The following IL1RAPL2 variants were observed in gnomAD, a reference collection of about 807,000 sequenced individuals.
IL1RAPL2 encodes the protein X-linked interleukin-1 receptor accessory protein-like 2.
In IL1RAPL2, 3 loss-of-function variants were observed where a neutral mutation model predicts 44.1. The ratio of observed to expected loss-of-function variants is 0.07; its 90% CI spans 0.03 to 0.18. IL1RAPL2 has a LOEUF of 0.18. Among genes scored for constraint, IL1RAPL2 ranks in the 10% least tolerant of loss-of-function variants. IL1RAPL2 has a pLI of 1.00. For missense variants in IL1RAPL2, 391 were observed against 496.4 expected (o/e 0.79, Z 2.02); for synonymous variants, 181 against 178.8 (o/e 1.01, Z -0.10).
chrX:104,636,285 G>A (rs776795679), intron 1 of IL1RAPL2, among the ~76,000 whole-genome samples: 1 of 112,160 alleles, frequency 8.9e-6, no homozygotes. Flanking sequence ...GGCTACTCAG[G>A]GGTCAGGGAC....
chrX:104,933,240 C>T (rs192522962), intron 2 of IL1RAPL2, among the ~76,000 whole-genome samples: 1 of 110,537 alleles, frequency 9.0e-6, no homozygotes, highest in East Asian at 2.9e-4. Flanking sequence ...GCATGTTGTG[C>T]GCATGTACCC....
intron 1 of IL1RAPL2, among the ~76,000 whole-genome samples, chrX:104,587,653 C>A (rs1248940500): frequency 8.9e-6 from 1 of 112,304 alleles, no homozygotes; most frequent in Non-Finnish European, 1.9e-5. Context: ...GCTGCCAACT[C>A]ACTTTCAGTG....
chrX:105,447,116 TATAAATATAAATATATATATGA>T (rs2035964545), intron 5 of IL1RAPL2, among the ~76,000 whole-genome samples: 1 of 63,301 alleles, frequency 1.6e-5, no homozygotes, highest in African/African-American at 6.1e-5. Context: ...TAAAAATATA[TATAAATATAAATATATATATGA>T]ATATAAATAT....
At chrX:104,858,869 T>G (rs1922430815) in intron 2 of IL1RAPL2, among the ~76,000 whole-genome samples, 2 of 111,921 alleles carry the variant, frequency 1.8e-5, no homozygotes, top group Admixed American at 1.9e-4. Flanking sequence ...TCATTTAGCC[T>G]TTGAATAAGA....
chrX:105,429,129 A>G (rs1283009408), intron 5 of IL1RAPL2, among the ~76,000 whole-genome samples: 2 of 111,960 alleles, frequency 1.8e-5, no homozygotes, highest in African/African-American at 3.2e-5. Flanking sequence ...GAAATCGTTC[A>G]CCACTTAGCA....
At chrX:105,433,069 C>T (rs2035858811) in intron 5 of IL1RAPL2, among the ~76,000 whole-genome samples, 1 of 111,019 alleles carries the variant, frequency 9.0e-6, no homozygotes, top group Non-Finnish European at 1.9e-5. Flanking sequence ...AGAAGATACA[C>T]TTTTATTATC....
intron 6 of IL1RAPL2, among the ~76,000 whole-genome samples, chrX:105,611,528 A>C (rs994337575): frequency 1.8e-5 from 2 of 111,790 alleles, no homozygotes; most frequent in South Asian, 7.4e-4. Context: ...ATATATACAA[A>C]TATTTGCAAT....
chrX:105,220,215 A>G lies in IL1RAPL2; in HGVS notation c.357-13603A>G, dbSNP rs782783205. On this transcript the variant is annotated intron_variant, in intron 3 of 10. Transcript: ENST00000372582. Reference sequence around the variant, plus strand: ...CCCAGGTGCAGGCCTCTTTGACCTCACTGGGCACCTCGCTGTCCTCCAGTA... The same window carrying G: ...CCCAGGTGCAGGCCTCTTTGACCTCGCTGGGCACCTCGCTGTCCTCCAGTA... 39 of 1,209,962 alleles carry G rather than the reference A, an allele frequency of 3.2e-5. No homozygotes were observed. In the South Asian group the frequency reaches 4.6e-4, roughly 14 times the overall value.
intron 2 of IL1RAPL2, among the ~76,000 whole-genome samples, chrX:105,089,960 C>A (rs2147553951): frequency 9.0e-6 from 1 of 111,500 alleles, no homozygotes; most frequent in East Asian, 2.8e-4. Context: ...CCCTCCTAAA[C>A]CATTTGTAGT....
intron 2 of IL1RAPL2, among the ~76,000 whole-genome samples, chrX:104,735,926 T>C (rs1359267359): frequency 9.0e-6 from 1 of 111,487 alleles, no homozygotes; most frequent in Non-Finnish European, 1.9e-5. Flanking sequence ...GCCTGGCATC[T>C]AAAACCCTCC....
In IL1RAPL2 at chrX:105,205,587, TAAAAAAAAAAAAAAAAAA is replaced by T. The variant is rs375473348; in HGVS notation, c.356+9860_356+9877del. ...CCTCGGCGACAGAGCAAGACTCTGT[TAAAAAAAAAAAAAAAAAA>T]AAAAAAAAAAAAAAAAAAAAGTGCT... On this transcript the variant is annotated intron_variant, in intron 3 of 10. Coordinates refer to ENST00000372582, the MANE Select transcript of IL1RAPL2 (RefSeq NM_017416.2). Among the ~76,000 whole-genome samples the T allele has an allele frequency of 0.023, 190 of 8,218 alleles. 8 individuals carry two copies. In the East Asian group the frequency reaches 0.35, roughly 15 times the overall value. 7.1% of individuals were successfully genotyped at this position (8,218 alleles called of 115,157 possible).
At chrX:105,262,121 A>G (rs1056571993) in intron 4 of IL1RAPL2, among the ~76,000 whole-genome samples, 6 of 111,984 alleles carry the variant, frequency 5.4e-5, no homozygotes, top group African/African-American at 1.9e-4. Context: ...GTGATTCTCT[A>G]TATTCTCCTG....
intron 6 of IL1RAPL2, among the ~76,000 whole-genome samples, chrX:105,671,971 G>A (rs1350907724): frequency 2.7e-5 from 3 of 110,694 alleles, no homozygotes; most frequent in Non-Finnish European, 5.7e-5. Context: ...TTCAATTATT[G>A]TACTTTTTAA....
At chrX:105,470,435 G>A (rs1054710316) in intron 5 of IL1RAPL2, among the ~76,000 whole-genome samples, 1 of 111,777 alleles carries the variant, frequency 8.9e-6, no homozygotes. Flanking sequence ...AAACCAAATG[G>A]GTAGTAAGTT....
At chrX:105,262,594 T>G (rs997668905) in intron 4 of IL1RAPL2, among the ~76,000 whole-genome samples, 5 of 111,654 alleles carry the variant, frequency 4.5e-5, no homozygotes, top group Non-Finnish European at 9.4e-5. Context: ...CAACTGAAGC[T>G]TAGATTGATT....
At chrX:104,787,135 G>A (rs1932803558) in intron 2 of IL1RAPL2, among the ~76,000 whole-genome samples, 1 of 111,000 alleles carries the variant, frequency 9.0e-6, no homozygotes, top group Non-Finnish European at 1.9e-5. Flanking sequence ...ACAGAGCAGT[G>A]AACAAAACAA....
At chrX:104,625,713 G>T (rs867476018) in intron 1 of IL1RAPL2, among the ~76,000 whole-genome samples, 8 of 111,334 alleles carry the variant, frequency 7.2e-5, no homozygotes, top group African/African-American at 2.0e-4. Context: ...GGGTGGACCA[G>T]TAAAGAAATG....
chrX:105,077,399 C>G (rs988466215), intron 2 of IL1RAPL2, among the ~76,000 whole-genome samples: 1 of 112,103 alleles, frequency 8.9e-6, no homozygotes, highest in Non-Finnish European at 1.9e-5. Flanking sequence ...TGTAGAGTTT[C>G]TGCAGAGAGG....
intron 6 of IL1RAPL2, among the ~76,000 whole-genome samples, chrX:105,665,518 A>G (rs1251555817): frequency 3.6e-5 from 4 of 110,641 alleles, no homozygotes. Flanking sequence ...TTTGAAAACT[A>G]TATTCACCAT....
Sources: gnomAD v4.1 joint callset for allele counts (sites outside exome capture counted in the v4.1 genomes callset) on GRCh38, gnomAD v4.1.1 for gene constraint, MANE v1.5 for transcripts, NCBI Gene and HGNC (gene_info 2026-07-23, HGNC 2026-07-21) for gene names.